Variants in VWA5B2 observed in about 807,000 individuals in gnomAD.
VWA5B2 encodes von Willebrand factor A domain containing 5B2.
A neutral mutation model predicts 118.5 loss-of-function variants in VWA5B2; 93 were observed. The observed-to-expected ratio is 0.79, with a 90% CI of 0.66 to 0.93. VWA5B2 has a LOEUF of 0.93. Among genes scored for constraint, VWA5B2 ranks in the 40% least tolerant of loss-of-function variants. The pLI is 0.00. For missense variants in VWA5B2, 1,546 were observed against 1,672.8 expected (o/e 0.92, Z 1.32); for synonymous variants, 708 against 716.3 (o/e 0.99, Z 0.19).
At chr3:184,234,219 G>A (rs1560151920) in intron 5 of VWA5B2, 47 bp from the exon 6 acceptor site, 1 of 1,542,586 alleles carries the variant, frequency 6.5e-7, no homozygotes, top group Admixed American at 2.0e-5. Flanking sequence ...CTGTCCCTGG[G>A]AAGGTGTTAT....
Position 184,241,766 on chromosome 3 carries a change from G to A in VWA5B2, c.3457G>A (p.Gly1153Arg), listed in dbSNP as rs1230601313. 2.0e-6 allele frequency: 3 copies of A among 1,482,514 alleles called. No individual in the cohort carries two copies. The highest frequency in any genetic ancestry group is 2.8e-5 in the African/African-American group (2 of 71,828). 91.8% of individuals were successfully genotyped at this position (1,482,514 alleles called of 1,614,324 possible). The change falls in exon 20 of 20, where the codon GGG becomes AGG. Residue 1153 changes from glycine (G) to arginine (R), a missense_variant. This residue lies in a region of VWA5B2 where 763 missense variants were observed against 766.6 expected (regional missense o/e 1.00). Coordinates refer to ENST00000691901, the MANE Select transcript of VWA5B2 (RefSeq NM_001390846.1). The surrounding 1 kb of genome is among the most constrained non-coding windows in gnomAD (Gnocchi z 5.1). ...GGGCTCAGACACCGAGGCCTCCGAG[G>A]GGGCGGAAGGGCTGGGCGGCACCGA... ...GRGSDTEASE[G>R]AEGLGGTDLR...
chr3:184,232,193 G>A (rs1022642776), intron 3 of VWA5B2, among the ~76,000 whole-genome samples: 1 of 152,066 alleles, frequency 6.6e-6, no homozygotes, highest in African/African-American at 2.4e-5. Flanking sequence ...CATAGCAGGG[G>A]TCACTGACTT....
Position 184,236,461 on chromosome 3 carries a change from G to A in VWA5B2, c.1331G>A (p.Arg444Gln), listed in dbSNP as rs1718009279. The A allele has an allele frequency of 3.2e-6, 5 of 1,546,598 alleles. No homozygotes were observed. Among genetic ancestry groups the A allele is most frequent in the African/African-American group, 1.4e-5 (1 of 73,156 alleles). The stretch of plus-strand genomic sequence containing the variant: ...CAGCCCCAGCACAGGGCCTACCCTC[G>A]GCAGCTGTTCCTGCTCACTGCTGCC... Reference protein sequence around the residue: ...VGQPQHRAYPRQLFLLTAASP... With the variant: ...VGQPQHRAYPQQLFLLTAASP... Residue 444 changes from arginine (R) to glutamine (Q), a missense_variant, in exon 10 of 20, where the codon CGG becomes CAG. By Grantham distance (43) the Arg-to-Gln change is conservative. Transcript: ENST00000691901.
chr3:184,239,595 A>G lies in VWA5B2; in HGVS notation c.2392+12A>G, dbSNP rs758247714. 1 of 1,501,592 alleles carries G rather than the reference A, an allele frequency of 6.7e-7. No individual in the cohort carries two copies. The highest frequency in any genetic ancestry group is 1.4e-5 in the African/African-American group (1 of 71,708). The allele number at this position is 1,501,592 out of a possible 1,614,324, so 93.0% of individuals were successfully genotyped here. A position where few individuals can be genotyped will look rare whatever the true frequency, so the allele number is the denominator to read the frequency against. On this transcript the variant is annotated intron_variant, in intron 15 of 19. Coordinates refer to ENST00000691901, the MANE Select transcript of VWA5B2 (RefSeq NM_001390846.1). This position sits in a 1 kb window ranked among gnomAD's most constrained non-coding sequence, Gnocchi z 5.1. Reference sequence around the variant, plus strand: ...CCTGGATGACTCAGGTAAGTGTTGGATGGGGAGCTGGTTTCCCTGACACCA... The same window carrying G: ...CCTGGATGACTCAGGTAAGTGTTGGGTGGGGAGCTGGTTTCCCTGACACCA...
Position 184,233,027 on chromosome 3 carries a change from C to A in VWA5B2, c.311-151C>A. 1 of 658,644 alleles carries A rather than the reference C, an allele frequency of 1.5e-6. No individual in the cohort carries two copies. The highest frequency in any genetic ancestry group is 2.6e-6 in the Non-Finnish European group (1 of 378,862). The allele number at this position is 658,644 out of a possible 1,614,324, so 40.8% of individuals were successfully genotyped here. ...TCTCCTGCCATCATTCATCTCATGC[C>A]TCCATCCTGCGTCACCAATGCATTA... On this transcript the variant is annotated intron_variant, in intron 3 of 19. Transcript: ENST00000691901. This position sits in a 1 kb window ranked among gnomAD's most constrained non-coding sequence, Gnocchi z 5.2.
rs778166586 is a variant in VWA5B2, at chr3:184,241,293, A to T, written c.3069A>T (p.Pro1023=). 3.9e-5 allele frequency: 61 copies of T among 1,550,504 alleles called. No homozygotes were observed. The East Asian group carries it at 1.0e-3, about 25-fold the overall frequency. The part of the protein sequence containing the change: ...PATPTEGPRR[P]PPRPPCRLSM... ...CTCCCACGGAAGGTCCTCGCCGCCC[A>T]CCTCCCCGTCCTCCCTGTCGGCTCA... The change falls in exon 19 of 20, where the codon CCA becomes CCT. Residue 1023 remains proline (P), a synonymous_variant. Transcript: ENST00000691901. The surrounding 1 kb of genome is among the most constrained non-coding windows in gnomAD (Gnocchi z 5.1).
chr3:184,232,602 G>GC, intron 3 of VWA5B2: 1 of 153,902 alleles, frequency 6.5e-6, no homozygotes, highest in Non-Finnish European at 1.4e-5. Flanking sequence ...AGCCCCACCA[G>GC]TCCCCAAACA....
At chr3:184,236,882 T>A in intron 11 of VWA5B2, 133 bp downstream of exon 11, 3 of 771,112 alleles carry the variant, frequency 3.9e-6, no homozygotes, top group Non-Finnish European at 6.1e-6. Context: ...CCCACTCCAA[T>A]CAGGGGAAGA....
Position 184,229,607 on chromosome 3 carries a change from C to G in VWA5B2, c.-256C>G, listed in dbSNP as rs1345544373. On this transcript the variant is annotated 5_prime_UTR_variant, in exon 1 of 20. Transcript: ENST00000691901. ...CTCAGAGCCGCTGCAGCCACAGTCACGAACTGGCGGCCGGCAGGTGCCGGG... is the reference window on the plus strand; with the variant it reads ...CTCAGAGCCGCTGCAGCCACAGTCAGGAACTGGCGGCCGGCAGGTGCCGGG... 6.6e-6 allele frequency among the ~76,000 whole-genome samples: 1 copy of G among 152,166 alleles called. No individual in the cohort carries two copies. Among genetic ancestry groups the G allele is most frequent in the African/African-American group, 2.4e-5 (1 of 41,458 alleles).
At position 184,236,509 on chromosome 3, in the gene VWA5B2, A is replaced by G; in HGVS notation, c.1379A>G (p.His460Arg). 1.3e-6 allele frequency: 2 copies of G among 1,548,528 alleles called. No homozygotes were observed. The highest frequency in any genetic ancestry group is 8.7e-7 in the Non-Finnish European group (1 of 1,146,948). The change falls in exon 10 of 20, where the codon CAC becomes CGC. Residue 460 changes from histidine to arginine, a missense_variant. His to Arg is a conservative substitution (Grantham distance 29). Coordinates refer to ENST00000691901, the MANE Select transcript of VWA5B2 (RefSeq NM_001390846.1). ...GCCTCACCCATGGCCGCCACTACCCACCGAACCCTGGAGCTCATGAGGTGG... is the reference window on the plus strand; with the variant it reads ...GCCTCACCCATGGCCGCCACTACCCGCCGAACCCTGGAGCTCATGAGGTGG... ...TAASPMAATT[H>R]RTLELMRWHR...
At chr3:184,236,036 G>C in intron 8 of VWA5B2, 116 bp from the exon 9 acceptor site, 1 of 972,004 alleles carries the variant, frequency 1.0e-6, no homozygotes, top group African/African-American at 1.6e-5. Flanking sequence ...CCTCTCCCAG[G>C]TTACCACAGC....
Position 184,241,177 on chromosome 3 carries a change from C to G in VWA5B2, c.2963-10C>G, listed in dbSNP as rs1005769492. 6.4e-7 allele frequency: 1 copy of G among 1,550,840 alleles called. No homozygotes were observed. Among genetic ancestry groups the G allele is most frequent in the East Asian group, 2.4e-5 (1 of 40,912 alleles). The stretch of plus-strand genomic sequence containing the variant: ...AGACCGCCCCCTGGCACTGATGATC[C>G]CCACTGCAGGACTTCAGAGAGGCTC... On this transcript the variant is annotated splice_polypyrimidine_tract_variant and intron_variant, in intron 18 of 19. Transcript: ENST00000691901. This position sits in a 1 kb window ranked among gnomAD's most constrained non-coding sequence, Gnocchi z 5.1.
intron 16 of VWA5B2, chr3:184,240,556 G>A: frequency 1.7e-6 from 1 of 580,396 alleles, no homozygotes; most frequent in East Asian, 2.8e-5. Flanking sequence ...GTGTTGTCCA[G>A]AGTGCTGAAT....
At position 184,234,255 on chromosome 3, in the gene VWA5B2, A is replaced by G. The variant is rs142244260; in HGVS notation, c.689-11A>G. On this transcript the variant is annotated splice_polypyrimidine_tract_variant and intron_variant, in intron 5 of 19. Coordinates refer to ENST00000691901, the MANE Select transcript of VWA5B2 (RefSeq NM_001390846.1). ...GGCTACATCTCCCCTTCCTGCCTCT[A>G]TGTCCCTCAGGCCTGGAGAGCCCCT... The G allele has an allele frequency of 3.6e-3, 5,579 of 1,551,196 alleles. 87 individuals carry two copies. Among genetic ancestry groups the G allele is most frequent in the Admixed American group, 0.034 (1,747 of 51,004 alleles).
chr3:184,234,929 C>T (rs968652982), intron 7 of VWA5B2, 174 bp downstream of exon 7: 16 of 1,146,834 alleles, frequency 1.4e-5, no homozygotes, highest in Middle Eastern at 4.9e-4. Context: ...ATTGGAGGGC[C>T]GATGTGAATC....
In VWA5B2 at chr3:184,240,929, G is replaced by T. The variant is rs1268155583; in HGVS notation, c.2878+1G>T. Reference sequence around the variant, plus strand: ...GGGGCCCTGCAGGTGTGCAGCTCAGGTAGGGGCCTCTTCTGGTGACCTCTC... The same window carrying T: ...GGGGCCCTGCAGGTGTGCAGCTCAGTTAGGGGCCTCTTCTGGTGACCTCTC... On this transcript the variant is annotated splice_donor_variant, in intron 17 of 19. Coordinates refer to ENST00000691901, the MANE Select transcript of VWA5B2 (RefSeq NM_001390846.1). LOFTEE classifies it high-confidence loss of function. 2 of 1,551,544 alleles carry T rather than the reference G, an allele frequency of 1.3e-6. No individual in the cohort carries two copies. The highest frequency in any genetic ancestry group is 2.4e-5 in the East Asian group (1 of 40,914).
Position 184,233,323 on chromosome 3 carries a change from G to A in VWA5B2, c.456G>A (p.Leu152=). The change falls in exon 4 of 20, where the codon CTG becomes CTA. Residue 152 remains leucine (L), a synonymous_variant. Transcript: ENST00000691901. The surrounding 1 kb of genome is among the most constrained non-coding windows in gnomAD (Gnocchi z 5.2). The stretch of plus-strand genomic sequence containing the variant: ...CTGACGGGGTGCTGCATGTGGCCCT[G>A]CCCACTGTGCTCACCCCGCTGGCCC... ...SRPDGVLHVA[L]PTVLTPLAPP... The A allele has an allele frequency of 6.5e-7, 1 of 1,537,026 alleles. No individual in the cohort carries two copies.
intron 1 of VWA5B2, 79 bp from the exon 2 acceptor site, chr3:184,230,301 C>T (rs1288246111): frequency 4.2e-6 from 2 of 474,358 alleles, no homozygotes; most frequent in East Asian, 7.5e-5. Context: ...GGCCCGGCTG[C>T]CCAGGTAACG....
intron 1 of VWA5B2, among the ~76,000 whole-genome samples, chr3:184,230,178 G>T (rs925088374): frequency 6.6e-6 from 1 of 152,148 alleles, no homozygotes; most frequent in Admixed American, 6.5e-5. Context: ...AGGTACGGGG[G>T]TGGCTGCGAG....
Sources: allele counts gnomAD v4.1 joint callset (sites outside exome capture counted in the v4.1 genomes callset), GRCh38; gene constraint gnomAD v4.1.1; regional missense constraint gnomAD v4.1.1; non-coding constraint Gnocchi (gnomAD v3.1); transcripts MANE v1.5; gene names NCBI Gene and HGNC (gene_info 2026-07-23, HGNC 2026-07-21).